Variants in PPP2R2B observed in about 807,000 individuals in gnomAD.
PPP2R2B encodes the protein protein phosphatase 2 regulatory subunit Bbeta, also known as serine/threonine-protein phosphatase 2A 55 kDa regulatory subunit B beta isoform.
A neutral mutation model predicts 46.0 loss-of-function variants in PPP2R2B; 5 were observed. The ratio of observed to expected loss-of-function variants is 0.11; its 90% CI spans 0.06 to 0.23. PPP2R2B has a LOEUF of 0.23. PPP2R2B is among the 10% of genes least tolerant of loss of function. PPP2R2B has a pLI of 1.00. For synonymous variants in PPP2R2B, 215 were observed against 206.7 expected, an observed-to-expected ratio of 1.04 and a Z score of -0.34; for missense variants, 367 against 575.0, an observed-to-expected ratio of 0.64 and a Z score of 3.70.
chr5:146,630,467 C>G (rs967481573), intron 7 of PPP2R2B, among the ~76,000 whole-genome samples: 1 of 152,196 alleles, frequency 6.6e-6, no homozygotes, highest in Non-Finnish European at 1.5e-5. Flanking sequence ...TTGGTGTTCT[C>G]TTGAAGAGCT....
intron 1 of PPP2R2B, among the ~76,000 whole-genome samples, chr5:146,966,235 C>T (rs1447774475): frequency 1.3e-5 from 2 of 152,138 alleles, no homozygotes; most frequent in Non-Finnish European, 2.9e-5. Context: ...TGAACACTGC[C>T]ACCTAGTGGA....
upstream of PPP2R2B, chr5:146,878,783 A>G: frequency 1.6e-6 from 2 of 1,224,086 alleles, no homozygotes; most frequent in Admixed American, 5.6e-5. This position sits in a 1 kb window ranked among gnomAD's most constrained non-coding sequence, Gnocchi z 4.5. Context: ...CGGCTGGTGC[A>G]TTAAAGGCGA....
chr5:146,864,741 G>C (rs536522528), intron 2 of PPP2R2B, among the ~76,000 whole-genome samples: 1 of 152,160 alleles, frequency 6.6e-6, no homozygotes, highest in Non-Finnish European at 1.5e-5. Context: ...GAGCTTTGCG[G>C]GGTAGAAGGG....
chr5:147,055,282 C>G (rs186457002), intron 1 of PPP2R2B, among the ~76,000 whole-genome samples: 112 of 152,346 alleles, frequency 7.4e-4, no homozygotes, highest in African/African-American at 2.5e-3. Flanking sequence ...ATCAAACAGA[C>G]AGTGACAAAA....
chr5:146,821,115 A>T (rs1758233655), intron 2 of PPP2R2B, among the ~76,000 whole-genome samples: 1 of 152,048 alleles, frequency 6.6e-6, no homozygotes, highest in South Asian at 2.1e-4. Flanking sequence ...ACCTTCTCAC[A>T]TACTAAAAAA....
intron 4 of PPP2R2B, among the ~76,000 whole-genome samples, chr5:146,691,514 A>G (rs1778850426): frequency 6.6e-6 from 1 of 152,224 alleles, no homozygotes; most frequent in African/African-American, 2.4e-5. Context: ...CTCATTCAAT[A>G]AAAGCATTTA....
chr5:146,976,413 A>G (rs180891738), intron 1 of PPP2R2B, among the ~76,000 whole-genome samples: 1,578 of 152,236 alleles, frequency 0.01, 15 homozygotes, highest in Middle Eastern at 0.024. Flanking sequence ...CTGGGATTGC[A>G]GGCAGAAGCC....
intron 8 of PPP2R2B, among the ~76,000 whole-genome samples, chr5:146,596,014 T>G (rs1771134036): frequency 6.6e-6 from 1 of 152,172 alleles, no homozygotes; most frequent in Non-Finnish European, 1.5e-5. Flanking sequence ...TTGACAAACT[T>G]TTTCTCCAAA....
intron 7 of PPP2R2B, among the ~76,000 whole-genome samples, chr5:146,635,025 T>C (rs889693049): frequency 6.6e-6 from 1 of 152,008 alleles, no homozygotes; most frequent in Non-Finnish European, 1.5e-5. Context: ...GAATCCAGGG[T>C]GAATAATTGT....
chr5:146,590,299 A>T, intron 9 of PPP2R2B, 73 bp from the exon 10 acceptor site: 1 of 1,489,144 alleles, frequency 6.7e-7, no homozygotes, highest in Non-Finnish European at 9.1e-7. Context: ...ATACCATGTT[A>T]TGGCCAGCTT....
intron 1 of PPP2R2B, among the ~76,000 whole-genome samples, chr5:146,970,673 GA>G (rs1352805290): frequency 6.6e-6 from 1 of 152,106 alleles, no homozygotes; most frequent in Non-Finnish European, 1.5e-5. Context: ...TAAGTCACAG[GA>G]AGAGGAATTT....
At chr5:146,862,026 G>A (rs368932241) in intron 2 of PPP2R2B, among the ~76,000 whole-genome samples, 7 of 152,056 alleles carry the variant, frequency 4.6e-5, no homozygotes, top group East Asian at 1.9e-4. Flanking sequence ...AAGAACACAC[G>A]CATAAACACG....
At chr5:146,908,029 C>T (rs1336193868) in intron 1 of PPP2R2B, among the ~76,000 whole-genome samples, 1 of 152,160 alleles carries the variant, frequency 6.6e-6, no homozygotes, top group African/African-American at 2.4e-5. Flanking sequence ...TATGAGCATA[C>T]CCACAGCCAC....
intron 2 of PPP2R2B, among the ~76,000 whole-genome samples, chr5:146,797,671 T>C (rs1242598588): frequency 1.3e-5 from 2 of 152,236 alleles, no homozygotes; most frequent in Non-Finnish European, 2.9e-5. Flanking sequence ...ATGGTATTTA[T>C]TGAACATGCA....
chr5:146,945,543 G>A (rs1218346570), intron 1 of PPP2R2B, among the ~76,000 whole-genome samples: 1 of 152,144 alleles, frequency 6.6e-6, no homozygotes, highest in East Asian at 1.9e-4. Context: ...GCAACCCAGA[G>A]GCTTTTCGTA....
chr5:146,787,920 G>A (rs760624792), intron 2 of PPP2R2B, among the ~76,000 whole-genome samples: 2 of 152,138 alleles, frequency 1.3e-5, no homozygotes, highest in African/African-American at 2.4e-5. Context: ...ATAACATGCT[G>A]CTTCAATGAA....
At chr5:147,040,659 T>C in intron 1 of PPP2R2B, 1 of 414,936 alleles carries the variant, frequency 2.4e-6, no homozygotes. Context: ...ACATGTAACA[T>C]ATACCCTGGC....
chr5:146,773,570 A>G (rs1755000148), intron 2 of PPP2R2B, among the ~76,000 whole-genome samples: 1 of 152,218 alleles, frequency 6.6e-6, no homozygotes, highest in Admixed American at 6.5e-5. Flanking sequence ...ACAAAAATAA[A>G]CATTGTCTGA....
At position 146,690,129 on chromosome 5, in the gene PPP2R2B, G is replaced by T. The variant is rs529191987; in HGVS notation, c.447+999C>A. On this transcript the variant is annotated intron_variant, in intron 5 of 9. Transcript: ENST00000394411. ...TTCACTGTCTCCCTTCTTACTTTTGGTCTTTAGCAGAGCTGCTGGTGTCTG... is the reference window on the plus strand; with the variant it reads ...TTCACTGTCTCCCTTCTTACTTTTGTTCTTTAGCAGAGCTGCTGGTGTCTG... Among the ~76,000 whole-genome samples, 142 of 152,240 alleles carry T rather than the reference G, an allele frequency of 9.3e-4. 2 individuals are homozygous for T. The South Asian group carries it at 0.023, about 25-fold the overall frequency.
Sources: gnomAD v4.1 joint callset for allele counts (sites outside exome capture counted in the v4.1 genomes callset) on GRCh38, gnomAD v4.1.1 for gene constraint, Gnocchi (gnomAD v3.1) non-coding constraint, MANE v1.5 for transcripts, NCBI Gene and HGNC (gene_info 2026-07-23, HGNC 2026-07-21) for gene names.